Variants in RPH3A observed in about 807,000 individuals in gnomAD.
RPH3A encodes the protein rabphilin-3A.
A neutral mutation model predicts 102.2 loss-of-function variants in RPH3A; 48 were observed. That is an observed-to-expected ratio of 0.47 (90% CI 0.37 to 0.60). RPH3A has a LOEUF of 0.60. Among genes scored for constraint, RPH3A ranks in the 20% least tolerant of loss-of-function variants. RPH3A has a pLI of 0.00. For missense variants in RPH3A, 781 were observed against 910.1 expected, an observed-to-expected ratio of 0.86 and a Z score of 1.83; for synonymous variants, 310 against 324.3, an observed-to-expected ratio of 0.96 and a Z score of 0.47.
intron 4 of RPH3A, among the ~76,000 whole-genome samples, chr12:112,845,551 C>A (rs1204267596): frequency 6.6e-6 from 1 of 152,218 alleles, no homozygotes; most frequent in Non-Finnish European, 1.5e-5. Context: ...ACAATGAATT[C>A]TCCTCACTTG....
At chr12:112,757,621 C>T (rs939173429) in intron 1 of RPH3A, among the ~76,000 whole-genome samples, 1 of 152,132 alleles carries the variant, frequency 6.6e-6, no homozygotes, top group African/African-American at 2.4e-5. Context: ...AAATATCACA[C>T]TGTACCCCAT....
chr12:112,768,048 C>A (rs150577672), intron 1 of RPH3A, among the ~76,000 whole-genome samples: 56 of 152,180 alleles, frequency 3.7e-4, no homozygotes, highest in African/African-American at 1.3e-3. Context: ...AACGGTTGTA[C>A]AATCTTGTAA....
At chr12:112,778,567 G>C (rs553568295) in intron 1 of RPH3A, among the ~76,000 whole-genome samples, 38 of 152,120 alleles carry the variant, frequency 2.5e-4, no homozygotes, top group Non-Finnish European at 5.1e-4. Context: ...CAAAAGGCAG[G>C]GGAACGTTTT....
Position 112,780,385 on chromosome 12 carries a change from T to C in RPH3A, c.-139-11758T>C, listed in dbSNP as rs186220056. ...TTTTGGAGGCCCCAGTGCCTGTTCT[T>C]TCCCTCTGGAGGCCTCATTTTTGTG... is the stretch of plus-strand genomic sequence containing the variant. On this transcript the variant is annotated intron_variant, in intron 1 of 21. Transcript: ENST00000543106. 2.0e-3 allele frequency among the ~76,000 whole-genome samples: 304 copies of C among 148,998 alleles called. 2 individuals are homozygous for C. Among genetic ancestry groups the C allele is most frequent in the African/African-American group, 7.2e-3 (293 of 40,644 alleles).
intron 2 of RPH3A, among the ~76,000 whole-genome samples, chr12:112,815,760 A>G (rs2041660732): frequency 6.6e-6 from 1 of 152,198 alleles, no homozygotes; most frequent in African/African-American, 2.4e-5. Flanking sequence ...GACCTGTCTA[A>G]TCACATTTTC....
chr12:112,838,532 C>T (rs2042091883), intron 4 of RPH3A, among the ~76,000 whole-genome samples: 1 of 152,168 alleles, frequency 6.6e-6, no homozygotes, highest in African/African-American at 2.4e-5. Flanking sequence ...AAAGAGACTT[C>T]CTGCAGACAC....
intron 1 of RPH3A, among the ~76,000 whole-genome samples, chr12:112,660,112 T>C (rs1334136813): frequency 6.6e-6 from 1 of 152,206 alleles, no homozygotes; most frequent in Non-Finnish European, 1.5e-5. Context: ...ATATACATAT[T>C]ATATGCATTG....
chr12:112,792,464 C>A (rs952872618), intron 2 of RPH3A, among the ~76,000 whole-genome samples: 2 of 152,192 alleles, frequency 1.3e-5, no homozygotes, highest in African/African-American at 4.8e-5. Flanking sequence ...TGGCTTAGTG[C>A]CCAGGGAGGG....
At chr12:112,822,458 C>G (rs2041797679) in intron 2 of RPH3A, among the ~76,000 whole-genome samples, 1 of 152,196 alleles carries the variant, frequency 6.6e-6, no homozygotes, top group Non-Finnish European at 1.5e-5. Flanking sequence ...CTACAACTAG[C>G]AGAAAACCCT....
intron 1 of RPH3A, among the ~76,000 whole-genome samples, chr12:112,633,534 T>A (rs1382778288): frequency 6.6e-6 from 1 of 152,140 alleles, no homozygotes; most frequent in East Asian, 1.9e-4. Context: ...GCCCCCTCGT[T>A]GTGTGATGCC....
chr12:112,715,270 C>A (rs779257135), intron 1 of RPH3A, among the ~76,000 whole-genome samples: 150 of 152,166 alleles, frequency 9.9e-4, no homozygotes, highest in Non-Finnish European at 1.6e-3. Flanking sequence ...TACTGAAATG[C>A]CACTTCCTTG....
chr12:112,855,841 C>T (rs146541126), intron 5 of RPH3A, among the ~76,000 whole-genome samples: 127 of 151,968 alleles, frequency 8.4e-4, no homozygotes, highest in South Asian at 1.9e-3. Flanking sequence ...AGGTGAAGAG[C>T]GAGCAGGGAT....
At chr12:112,841,384 G>A (rs1045193768) in intron 4 of RPH3A, among the ~76,000 whole-genome samples, 1 of 151,962 alleles carries the variant, frequency 6.6e-6, no homozygotes, top group African/African-American at 2.4e-5. Context: ...CTTTTAGAAG[G>A]GCAGGATAGC....
intron 16 of RPH3A, among the ~76,000 whole-genome samples, chr12:112,886,168 C>G (rs958676512): frequency 3.3e-5 from 5 of 152,126 alleles, no homozygotes; most frequent in Non-Finnish European, 4.4e-5. Context: ...TTTACAGTCC[C>G]TTCCTGTCCC....
chr12:112,600,319 C>T (rs1485250338), intron 1 of RPH3A, among the ~76,000 whole-genome samples: 1 of 152,158 alleles, frequency 6.6e-6, no homozygotes, highest in African/African-American at 2.4e-5. Flanking sequence ...GATAATCCTG[C>T]CTGACTTAAA....
chr12:112,793,734 G>A (rs929839508), intron 2 of RPH3A, among the ~76,000 whole-genome samples: 4 of 152,198 alleles, frequency 2.6e-5, no homozygotes, highest in African/African-American at 9.6e-5. Flanking sequence ...ATCTGGCTAT[G>A]GGTGATATTT....
intron 19 of RPH3A, among the ~76,000 whole-genome samples, chr12:112,891,685 A>G (rs1350109133): frequency 7.2e-5 from 11 of 152,200 alleles, no homozygotes; most frequent in Non-Finnish European, 7.3e-5. Flanking sequence ...GCCACCAGGG[A>G]GTCCTCAAGC....
chr12:112,802,799 C>T (rs986340077), intron 2 of RPH3A, among the ~76,000 whole-genome samples: 2 of 152,054 alleles, frequency 1.3e-5, no homozygotes, highest in Non-Finnish European at 2.9e-5. Context: ...CTGTCCACTC[C>T]CCAGGGCCTC....
intron 1 of RPH3A, among the ~76,000 whole-genome samples, chr12:112,774,532 T>C (rs998791527): frequency 1.4e-4 from 22 of 152,214 alleles, no homozygotes; most frequent in African/African-American, 4.6e-4. Flanking sequence ...ACATCCTCAT[T>C]ATAATAGGTC....
Sources: allele counts gnomAD v4.1 joint callset (sites outside exome capture counted in the v4.1 genomes callset), GRCh38; gene constraint gnomAD v4.1.1; transcripts MANE v1.5; gene names NCBI Gene and HGNC (gene_info 2026-07-23, HGNC 2026-07-21).